Variants in CFAP61 observed in about 807,000 individuals in gnomAD.
CFAP61 encodes cilia- and flagella-associated protein 61.
A neutral mutation model predicts 135.6 loss-of-function variants in CFAP61; 107 were observed. The ratio of observed to expected loss-of-function variants is 0.79; its 90% confidence interval spans 0.67 to 0.93. CFAP61 has a LOEUF of 0.93. CFAP61 is among the 40% of genes least tolerant of loss of function. The pLI is 0.00. For missense variants in CFAP61, 1,507 were observed against 1,556.2 expected (o/e 0.97, Z 0.53); for synonymous variants, 575 against 578.5 (o/e 0.99, Z 0.09).
intron 7 of CFAP61, among the ~76,000 whole-genome samples, chr20:20,091,300 A>T (rs2047182571): frequency 6.6e-6 from 1 of 152,254 alleles, no homozygotes; most frequent in South Asian, 2.1e-4. Flanking sequence ...TTCAGAAGTC[A>T]CAAACCAGCG....
chr20:20,063,545 A>T lies in CFAP61; in HGVS notation c.143+6749A>T, dbSNP rs576274381. 2.0e-5 allele frequency among the ~76,000 whole-genome samples: 3 copies of T among 152,346 alleles called. No homozygotes were observed. In the South Asian group the frequency reaches 6.2e-4, roughly 32 times the overall value. On this transcript the variant is annotated intron_variant, in intron 2 of 26. Coordinates refer to ENST00000245957, the MANE Select transcript of CFAP61 (RefSeq NM_015585.4). ...AGACAAAATCATTCGATAAAATGCA[A>T]TATTCTTAGTAATAATTCTTAACCT... is the stretch of plus-strand genomic sequence containing the variant.
At chr20:20,229,422 C>A (rs994027583) in intron 18 of CFAP61, among the ~76,000 whole-genome samples, 1 of 152,190 alleles carries the variant, frequency 6.6e-6, no homozygotes, top group Non-Finnish European at 1.5e-5. Context: ...TTTTCCAAAT[C>A]TTTTGCTCAG....
chr20:20,301,218 T>C (rs1032623150), intron 25 of CFAP61, among the ~76,000 whole-genome samples: 88 of 152,248 alleles, frequency 5.8e-4, no homozygotes, highest in African/African-American at 2.0e-3. Context: ...TTTTAAATCT[T>C]TTATGCCATA....
intron 14 of CFAP61, among the ~76,000 whole-genome samples, chr20:20,190,661 GTTA>G (rs2055857990): frequency 1.3e-5 from 2 of 152,154 alleles, no homozygotes; most frequent in Non-Finnish European, 2.9e-5. Context: ...TTTGCAAAAT[GTTA>G]TTATTAAGGG....
Position 20,136,180 on chromosome 20 carries a change from C to G in CFAP61, c.860-6677C>G, listed in dbSNP as rs1306141488. On this transcript the variant is annotated intron_variant, in intron 8 of 26. Transcript: ENST00000245957. ...TAGGGTCCCTTTTTTTACCCTTGAC[C>G]TTTGGGAGTTTGATTATTAAATGCC... Among the ~76,000 whole-genome samples the G allele has an allele frequency of 3.3e-5, 5 of 151,898 alleles. No homozygotes were observed. In the East Asian group the frequency reaches 9.6e-4, roughly 29 times the overall value.
intron 17 of CFAP61, among the ~76,000 whole-genome samples, chr20:20,210,878 A>C (rs543044086): frequency 6.6e-6 from 1 of 152,194 alleles, no homozygotes; most frequent in Admixed American, 6.5e-5. Context: ...GTCATCCCAC[A>C]CTTTGGGAGG....
At chr20:20,223,295 C>T (rs544521221) in intron 17 of CFAP61, among the ~76,000 whole-genome samples, 2 of 152,192 alleles carry the variant, frequency 1.3e-5, no homozygotes, top group African/African-American at 2.4e-5. Context: ...ATTTTATACC[C>T]GAGGAAACTG....
intron 25 of CFAP61, among the ~76,000 whole-genome samples, chr20:20,334,185 G>T (rs2058094776): frequency 6.6e-6 from 1 of 152,142 alleles, no homozygotes; most frequent in South Asian, 2.1e-4. Flanking sequence ...AGAGAGCAGT[G>T]GCACAATCTC....
chr20:20,122,703 G>T (rs930159342), intron 8 of CFAP61, among the ~76,000 whole-genome samples: 1 of 152,146 alleles, frequency 6.6e-6, no homozygotes, highest in African/African-American at 2.4e-5. Flanking sequence ...TTTTGCAATT[G>T]CGAATTGTGC....
At position 20,056,686 on chromosome 20, in the gene CFAP61, A is replaced by G. The variant is rs1224752775; in HGVS notation, c.33A>G (p.Val11=). Residue 11 remains valine (V), a synonymous_variant, in exon 2 of 27, where the codon GTA becomes GTG. Transcript: ENST00000245957. The part of the protein sequence containing the change: MSVLTSPRGK[V]EVVHCRRTES... Reference sequence around the variant, plus strand: ...TACTCACTTCTCCAAGAGGAAAGGTAGAAGTTGTTCATTGCCGAAGAACAG... The same window carrying G: ...TACTCACTTCTCCAAGAGGAAAGGTGGAAGTTGTTCATTGCCGAAGAACAG... 4 of 1,614,156 alleles carry G rather than the reference A, an allele frequency of 2.5e-6. No homozygotes were observed. The highest frequency in any genetic ancestry group is 3.3e-4 in the Middle Eastern group (2 of 6,062).
At chr20:20,291,469 C>T (rs1312589545) in intron 24 of CFAP61, among the ~76,000 whole-genome samples, 1 of 152,198 alleles carries the variant, frequency 6.6e-6, no homozygotes, top group East Asian at 1.9e-4. Context: ...TTTAAGCTTC[C>T]TCTATATCTC....
At chr20:20,095,197 C>T (rs892248966) in intron 7 of CFAP61, among the ~76,000 whole-genome samples, 2 of 152,092 alleles carry the variant, frequency 1.3e-5, no homozygotes, top group Non-Finnish European at 1.5e-5. Context: ...CGCATTCCCT[C>T]CCAACTACAT....
chr20:20,255,185 T>C (rs1269607890), intron 20 of CFAP61, among the ~76,000 whole-genome samples: 2 of 152,196 alleles, frequency 1.3e-5, no homozygotes, highest in Non-Finnish European at 2.9e-5. Flanking sequence ...CCAATCAATG[T>C]TGATCATTTT....
intron 21 of CFAP61, among the ~76,000 whole-genome samples, chr20:20,266,935 A>G (rs901977827): frequency 3.3e-5 from 5 of 152,222 alleles, no homozygotes; most frequent in African/African-American, 1.2e-4. Flanking sequence ...AGTTTCATAG[A>G]GGCTGCCATT....
chr20:20,354,895 G>A (rs563486230), intron 26 of CFAP61, among the ~76,000 whole-genome samples: 1 of 68,764 alleles, frequency 1.5e-5, no homozygotes, highest in South Asian at 5.4e-4. Context: ...CTGTGTCAGA[G>A]GAGGTGGTCA....
intron 2 of CFAP61, among the ~76,000 whole-genome samples, chr20:20,060,876 C>G (rs1043014485): frequency 6.6e-6 from 1 of 152,234 alleles, no homozygotes; most frequent in Admixed American, 6.5e-5. Flanking sequence ...CTCTGCTGAG[C>G]TCCCCGCTAG....
intron 25 of CFAP61, among the ~76,000 whole-genome samples, chr20:20,331,428 GA>G (rs11476115): frequency 0.48 from 69,151 of 144,572 alleles, 16,814 homozygotes; most frequent in Middle Eastern, 0.62. Flanking sequence ...AAAAGCTTTA[GA>G]AAAAAAAAAA....
chr20:20,339,989 T>C (rs1386380967), intron 25 of CFAP61, among the ~76,000 whole-genome samples: 5 of 152,212 alleles, frequency 3.3e-5, no homozygotes, highest in Non-Finnish European at 7.3e-5. Context: ...TCACTCCTCC[T>C]GGCCACCTTC....
chr20:20,054,013 G>GTTTTTTTTTTTTTT (rs1239349657), intron 1 of CFAP61, among the ~76,000 whole-genome samples: 46 of 58,952 alleles, frequency 7.8e-4, no homozygotes, highest in African/African-American at 1.0e-3. Flanking sequence ...TTTTTTGTTT[G>GTTTTTTTTTTTTTT]TTTTTTTTTT....
Sources: allele counts gnomAD v4.1 joint callset (sites outside exome capture counted in the v4.1 genomes callset), GRCh38; gene constraint gnomAD v4.1.1; transcripts MANE v1.5; gene names NCBI Gene and HGNC (gene_info 2026-07-23, HGNC 2026-07-21).